The following HLTF variants were observed in gnomAD, a reference collection of about 807,000 sequenced individuals.
HLTF encodes the protein helicase like transcription factor.
In HLTF, 127 loss-of-function variants were observed where a neutral mutation model predicts 129.4. That is an observed-to-expected ratio of 0.98 (90% CI 0.85 to 1.14). The LOEUF is 1.14. HLTF is among the 50% of genes most tolerant of loss of function. The pLI is 0.00. For missense variants in HLTF, 1,139 were observed against 1,187.1 expected (o/e 0.96, Z 0.60); for synonymous variants, 332 against 388.8 (o/e 0.85, Z 1.72).
chr3:149,055,013 A>C (rs1012179824), intron 14 of HLTF, among the ~76,000 whole-genome samples: 3 of 152,246 alleles, frequency 2.0e-5, no homozygotes, highest in African/African-American at 4.8e-5. Flanking sequence ...GAGTCAAACT[A>C]TACATCTTTC....
chr3:149,046,329 C>T, intron 17 of HLTF, 70 bp from the exon 18 acceptor site: 1 of 856,210 alleles, frequency 1.2e-6, no homozygotes, highest in Non-Finnish European at 1.7e-6. Context: ...AAGAACGAAA[C>T]AGAACATTTT....
chr3:149,050,802 T>C (rs1716919080), intron 14 of HLTF, among the ~76,000 whole-genome samples: 1 of 152,226 alleles, frequency 6.6e-6, no homozygotes. Context: ...CTTTCACTCA[T>C]TTATTATTGG....
intron 8 of HLTF, among the ~76,000 whole-genome samples, chr3:149,068,011 A>G (rs1329528474): frequency 6.6e-6 from 1 of 152,130 alleles, no homozygotes; most frequent in Non-Finnish European, 1.5e-5. Context: ...CAGTGAGCTG[A>G]GATTGCGCCA....
chr3:149,085,594 A>G (rs1720299116), intron 1 of HLTF, among the ~76,000 whole-genome samples: 1 of 152,238 alleles, frequency 6.6e-6, no homozygotes, highest in African/African-American at 2.4e-5. Flanking sequence ...GAAGTTGTTT[A>G]TAATTTTCCA....
At chr3:149,054,036 A>C (rs1717215895) in intron 14 of HLTF, among the ~76,000 whole-genome samples, 1 of 152,068 alleles carries the variant, frequency 6.6e-6, no homozygotes, top group Non-Finnish European at 1.5e-5. Flanking sequence ...TAATTTAAAA[A>C]ATAAATAAAT....
intron 23 of HLTF, among the ~76,000 whole-genome samples, chr3:149,037,246 G>A (rs1414290411): frequency 2.6e-5 from 4 of 151,904 alleles, no homozygotes; most frequent in Non-Finnish European, 4.4e-5. Flanking sequence ...TGAGGCAGGT[G>A]GATCATGAGG....
intron 22 of HLTF, 89 bp from the exon 23 acceptor site, chr3:149,039,318 T>C (rs1053471841): frequency 1.0e-6 from 1 of 965,746 alleles, no homozygotes; most frequent in African/African-American, 1.7e-5. Flanking sequence ...CTTCAATAAA[T>C]TCTTTCACTC....
intron 8 of HLTF, among the ~76,000 whole-genome samples, chr3:149,067,043 C>A (rs1239113804): frequency 6.6e-6 from 1 of 152,026 alleles, no homozygotes; most frequent in African/African-American, 2.4e-5. Flanking sequence ...TTGCTATTTC[C>A]TTCTATTTAA....
intron 15 of HLTF, among the ~76,000 whole-genome samples, chr3:149,049,272 C>A (rs866054544): frequency 2.0e-5 from 3 of 152,138 alleles, no homozygotes; most frequent in Non-Finnish European, 4.4e-5. Context: ...AGCATTCAAA[C>A]CCAAGCAGCA....
chr3:149,075,860 T>C, intron 3 of HLTF, 21 bp downstream of exon 3: 3 of 1,556,928 alleles, frequency 1.9e-6, no homozygotes, highest in African/African-American at 1.4e-5. Flanking sequence ...TTATTAAAAC[T>C]AAATTCTGAA....
chr3:149,033,792 A>T (rs1449460327), intron 24 of HLTF, among the ~76,000 whole-genome samples: 10 of 152,128 alleles, frequency 6.6e-5, no homozygotes, highest in Non-Finnish European at 1.5e-4. Flanking sequence ...AATACAGAAT[A>T]GTTGAAAAAA....
At chr3:149,066,604 C>A (rs1453383942) in intron 8 of HLTF, among the ~76,000 whole-genome samples, 1 of 151,366 alleles carries the variant, frequency 6.6e-6, no homozygotes, top group African/African-American at 2.4e-5. Flanking sequence ...TGTAGCAACC[C>A]AAATATTCTA....
intron 18 of HLTF, among the ~76,000 whole-genome samples, chr3:149,042,800 AC>A (rs542020702): frequency 6.2e-4 from 95 of 152,242 alleles, no homozygotes; most frequent in African/African-American, 2.2e-3. Context: ...GTTTATGTGT[AC>A]TAATAAAACC....
Position 149,068,310 on chromosome 3 carries a change from A to C in HLTF, c.920T>G (p.Val307Gly). 3 of 1,556,320 alleles carry C rather than the reference A, an allele frequency of 1.9e-6. No homozygotes were observed. Among genetic ancestry groups the C allele is most frequent in the Non-Finnish European group, 2.6e-6 (3 of 1,132,112 alleles). Residue 307 changes from valine to glycine, a missense_variant, in exon 8 of 25, where the codon GTA (valine) becomes GGA (glycine). Coordinates refer to ENST00000310053, the MANE Select transcript of HLTF (RefSeq NM_003071.4). ...GLGKTLTAIAVILTNFHDGRP... is the reference protein window; with the variant it reads ...GLGKTLTAIAGILTNFHDGRP... ...GCCATCATGGAAGTTGGTAAGGATT[A>C]CTGCAATGGCCGTAAGAGTTTTACC...
intron 7 of HLTF, among the ~76,000 whole-genome samples, chr3:149,070,364 T>C (rs1390588034): frequency 6.6e-6 from 1 of 152,240 alleles, no homozygotes; most frequent in Non-Finnish European, 1.5e-5. Flanking sequence ...CACAGAGATG[T>C]GCAAAAATGT....
chr3:149,048,402 C>T (rs1716726955), intron 16 of HLTF, among the ~76,000 whole-genome samples: 2 of 152,234 alleles, frequency 1.3e-5, no homozygotes, highest in African/African-American at 4.8e-5. Flanking sequence ...AAGAAAAAGA[C>T]TGGAAAATTC....
At chr3:149,056,673 T>C (rs1277364989) in intron 13 of HLTF, among the ~76,000 whole-genome samples, 2 of 152,192 alleles carry the variant, frequency 1.3e-5, no homozygotes, top group East Asian at 3.8e-4. Context: ...AAGTTTAATT[T>C]ATAAAGTAGG....
At chr3:149,060,621 T>C (rs565697418) in intron 12 of HLTF, 22 bp downstream of exon 12, 1 of 1,553,932 alleles carries the variant, frequency 6.4e-7, no homozygotes, top group African/African-American at 1.4e-5. Context: ...GTCTAGATTA[T>C]GGGTATATAG....
intron 2 of HLTF, among the ~76,000 whole-genome samples, chr3:149,079,669 T>C (rs1719711050): frequency 6.6e-6 from 1 of 152,150 alleles, no homozygotes; most frequent in South Asian, 2.1e-4. Flanking sequence ...CTCGGCTCAC[T>C]GCAACCTCTG....
Sources: gnomAD v4.1 joint callset for allele counts (sites outside exome capture counted in the v4.1 genomes callset) on GRCh38, gnomAD v4.1.1 for gene constraint, MANE v1.5 for transcripts, NCBI Gene and HGNC (gene_info 2026-07-23, HGNC 2026-07-21) for gene names.